AR: variants seen among roughly 807,000 people sequenced by gnomAD.
AR encodes the protein dihydrotestosterone receptor.
Under a neutral mutation model 53.9 loss-of-function variants are expected in AR, and 8 were observed. The observed-to-expected ratio is 0.15, with a 90% CI of 0.09 to 0.27. The LOEUF (loss-of-function observed/expected upper bound fraction) is 0.27. Among genes scored for constraint, AR ranks in the 10% least tolerant of loss-of-function variants. The pLI is 1.00. For missense variants in AR, 639 were observed against 742.5 expected (o/e 0.86, Z 1.62); for synonymous variants, 359 against 316.4 (o/e 1.13, Z -1.43).
chrX:67,564,266 A>T (rs1252331042), intron 1 of AR, among the ~76,000 whole-genome samples: 2 of 111,368 alleles, frequency 1.8e-5, no homozygotes, highest in Non-Finnish European at 3.8e-5. Flanking sequence ...CAAGGACTAT[A>T]CCCCAGTCTA....
chrX:67,576,306 T>C (rs1922043806), intron 1 of AR, among the ~76,000 whole-genome samples: 1 of 110,797 alleles, frequency 9.0e-6, no homozygotes, highest in Admixed American at 9.7e-5. Flanking sequence ...TGGAATACCC[T>C]ATTTGGTTCC....
At chrX:67,637,639 C>T (rs147393769) in intron 1 of AR, among the ~76,000 whole-genome samples, 70 of 109,491 alleles carry the variant, frequency 6.4e-4, no homozygotes, top group Middle Eastern at 4.7e-3. Context: ...AATAAACATA[C>T]GTGTGCATGA....
At chrX:67,557,455 A>G (rs1261908117) in intron 1 of AR, among the ~76,000 whole-genome samples, 1 of 112,189 alleles carries the variant, frequency 8.9e-6, no homozygotes, top group Non-Finnish European at 1.9e-5. Context: ...TGACTTATAA[A>G]GTTTGAATTA....
rs1319800028 is a variant in AR at position 67,544,512 on chromosome X, T to C, written c.-635T>C. 2.0e-5 allele frequency: 2 copies of C among 99,584 alleles called. No homozygotes were observed. Among genetic ancestry groups the C allele is most frequent in the East Asian group, 5.1e-4 (2 of 3,958 alleles). The allele number at this position is 99,584 out of a possible 1,213,427, so 8.2% of individuals were successfully genotyped here. A position where few individuals can be genotyped will look rare whatever the true frequency, so the allele number is the denominator to read the frequency against. ...CGAGTTTGCAGAGAGGTAACTCCCT[T>C]TGGCTGCGAGCGGGCGAGCTAGCTG... On this transcript the variant is annotated 5_prime_UTR_variant, in exon 1 of 8. Transcript: ENST00000374690.
At chrX:67,716,527 G>C (rs1186302404) in intron 4 of AR, among the ~76,000 whole-genome samples, 1 of 111,771 alleles carries the variant, frequency 8.9e-6, no homozygotes, top group Non-Finnish European at 1.9e-5. Flanking sequence ...ATCAGTCTAG[G>C]TAGGCAGGTC....
At chrX:67,706,113 T>C (rs2076065916) in intron 3 of AR, among the ~76,000 whole-genome samples, 1 of 111,773 alleles carries the variant, frequency 8.9e-6, no homozygotes, top group Non-Finnish European at 1.9e-5. Flanking sequence ...TTCTCTTTTT[T>C]TGTTGTGTCT....
chrX:67,667,952 A>G (rs1365286653), intron 2 of AR, among the ~76,000 whole-genome samples: 1 of 111,806 alleles, frequency 8.9e-6, no homozygotes. Context: ...ATCAGTTCTA[A>G]TAGGCTTTTG....
intron 2 of AR, among the ~76,000 whole-genome samples, chrX:67,673,461 A>G (rs1262342679): frequency 1.2e-5 from 1 of 83,703 alleles, no homozygotes; most frequent in Non-Finnish European, 2.3e-5. Flanking sequence ...GGTGTGCTTC[A>G]TTGTTTGCTA....
intron 2 of AR, among the ~76,000 whole-genome samples, chrX:67,647,254 A>G (rs1160356014): frequency 8.9e-6 from 1 of 112,037 alleles, no homozygotes. Flanking sequence ...AACTCAAAGA[A>G]TTACACCATC....
intron 2 of AR, among the ~76,000 whole-genome samples, chrX:67,665,072 G>A (rs1192843643): frequency 3.5e-5 from 4 of 112,975 alleles, no homozygotes; most frequent in Non-Finnish European, 7.5e-5. Context: ...CCTGGGTGAG[G>A]CGATGTCTCG....
chrX:67,636,971 C>G (rs904936342), intron 1 of AR, among the ~76,000 whole-genome samples: 1 of 111,376 alleles, frequency 9.0e-6, no homozygotes, highest in Admixed American at 9.6e-5. Flanking sequence ...AAACTCATGC[C>G]TAACAAACAA....
rs868709351 is a variant in AR, at chrX:67,545,313, T to C, written c.167T>C (p.Leu56Pro). 1.8e-6 allele frequency: 2 copies of C among 1,099,627 alleles called. No individual in the cohort carries two copies. Among genetic ancestry groups the C allele is most frequent in the Non-Finnish European group, 2.4e-6 (2 of 837,722 alleles). 90.6% of individuals were successfully genotyped at this position (1,099,627 alleles called of 1,213,427 possible). Residue 56 changes from leucine to proline, a missense_variant, in exon 1 of 8, where the codon CTG (leucine) becomes CCG (proline). Physicochemically the swap from Leu to Pro is moderately conservative, Grantham distance 98 (BLOSUM62 -3). Transcript: ENST00000374690. ...GCACCTCCCGGCGCCAGTTTGCTGC[T>C]GCTGCAGCAGCAGCAGCAGCAGCAG... The part of the protein sequence containing the change: ...SAAPPGASLL[L>P]LQQQQQQQQQ...
chrX:67,704,278 C>T (rs1335218118), intron 3 of AR, among the ~76,000 whole-genome samples: 13 of 107,696 alleles, frequency 1.2e-4, no homozygotes, highest in East Asian at 2.9e-4. Context: ...TAAAAGTGTT[C>T]CTATTTCTCC....
chrX:67,708,560 GT>G (rs1400978381), intron 3 of AR, among the ~76,000 whole-genome samples: 1 of 111,356 alleles, frequency 9.0e-6, no homozygotes, highest in Non-Finnish European at 1.9e-5. Context: ...TTTTTTCAAG[GT>G]TTTTAACTTC....
chrX:67,677,183 A>G (rs2075905261), intron 2 of AR, among the ~76,000 whole-genome samples: 1 of 111,493 alleles, frequency 9.0e-6, no homozygotes. Context: ...GGTTTGCAAA[A>G]TAAGATACCC....
chrX:67,630,443 A>T (rs934973964), intron 1 of AR, among the ~76,000 whole-genome samples: 7 of 111,035 alleles, frequency 6.3e-5, no homozygotes, highest in Non-Finnish European at 1.1e-4. Flanking sequence ...CTGTTTTATC[A>T]GAGACTAGAA....
intron 2 of AR, among the ~76,000 whole-genome samples, chrX:67,683,888 A>AT (rs1417144336): frequency 9.0e-6 from 1 of 111,112 alleles, no homozygotes. Context: ...AAAAAAAAAA[A>AT]ATCATGCTTT....
At chrX:67,621,952 C>A (rs1924400586) in intron 1 of AR, among the ~76,000 whole-genome samples, 3 of 111,545 alleles carry the variant, frequency 2.7e-5, no homozygotes, top group Non-Finnish European at 3.8e-5. Flanking sequence ...TGCATTCAGA[C>A]CCTGGCTCTG....
chrX:67,686,190 C>T, intron 3 of AR, 64 bp downstream of exon 3: 2 of 1,081,633 alleles, frequency 1.8e-6, no homozygotes, highest in Non-Finnish European at 2.5e-6. Flanking sequence ...ATTTTCTAGT[C>T]TCTCTTTAGA....
Sources: gnomAD v4.1 joint callset for allele counts (sites outside exome capture counted in the v4.1 genomes callset) on GRCh38, gnomAD v4.1.1 for gene constraint, MANE v1.5 for transcripts, NCBI Gene and HGNC (gene_info 2026-07-23, HGNC 2026-07-21) for gene names.